ABCB11: variants seen among roughly 807,000 people sequenced by gnomAD.
ABCB11 encodes the protein bile salt export pump.
In ABCB11, 95 loss-of-function variants were observed where a neutral mutation model predicts 148.0. That is an observed-to-expected ratio of 0.64 (90% CI 0.54 to 0.76). The LOEUF is 0.76. ABCB11 is among the 30% of genes least tolerant of loss of function. The pLI, the probability that ABCB11 is intolerant of heterozygous loss-of-function variation, is 0.00. For synonymous variants in ABCB11, 591 were observed against 555.4 expected, an observed-to-expected ratio of 1.06 and a Z score of -0.90; for missense variants, 1,523 against 1,617.8, an observed-to-expected ratio of 0.94 and a Z score of 1.01.
At chr2:168,996,140 T>C (rs909438819) in intron 6 of ABCB11, among the ~76,000 whole-genome samples, 5 of 152,050 alleles carry the variant, frequency 3.3e-5, no homozygotes, top group African/African-American at 4.8e-5. Flanking sequence ...AAAATATTTT[T>C]CTTTCTTAAT....
intron 17 of ABCB11, among the ~76,000 whole-genome samples, chr2:168,968,188 GCA>G (rs1407253954): frequency 2.0e-5 from 3 of 151,602 alleles, no homozygotes; most frequent in African/African-American, 7.3e-5. Context: ...TAACCATAAA[GCA>G]TCTCCATTGT....
chr2:169,012,826 C>T (rs1313146754), intron 5 of ABCB11, among the ~76,000 whole-genome samples: 1 of 151,556 alleles, frequency 6.6e-6, no homozygotes. Flanking sequence ...GCAGCCTGTT[C>T]ATGAAATTCC....
At chr2:169,014,897 T>A (rs2389604) in intron 3 of ABCB11, among the ~76,000 whole-genome samples, 7,656 of 152,236 alleles carry the variant, frequency 0.05, 225 homozygotes, top group African/African-American at 0.066. Context: ...TTTGACCTCT[T>A]CAACTTCGGG....
rs904094271 is a variant in ABCB11 at position 168,970,034 on chromosome 2, C to T, written c.1809+11G>A. ...CATGGACCTGTAAAATGGACTAAGA[C>T]TTCCACAAACCTTACTCAGCACTTC... On this transcript the variant is annotated intron_variant, in intron 15 of 27. Coordinates refer to ENST00000650372, the MANE Select transcript of ABCB11 (RefSeq NM_003742.4). 3 of 1,440,168 alleles carry T rather than the reference C, an allele frequency of 2.1e-6. No individual in the cohort carries two copies. Among genetic ancestry groups the T allele is most frequent in the Non-Finnish European group, 2.8e-6 (3 of 1,070,908 alleles). 89.2% of individuals were successfully genotyped at this position (1,440,168 alleles called of 1,614,324 possible).
chr2:168,990,826 C>G lies in ABCB11; in HGVS notation c.883G>C (p.Gly295Arg), dbSNP rs76133714. 12 of 1,613,146 alleles carry G rather than the reference C, an allele frequency of 7.4e-6. No homozygotes were observed. The highest frequency in any genetic ancestry group is 1.7e-5 in the Admixed American group (1 of 59,954). The change falls in exon 9 of 28, where the codon GGT becomes CGT. Residue 295 changes from glycine to arginine, a missense_variant. Gly to Arg is a moderately radical substitution (Grantham distance 125). Transcript: ENST00000650372. ...CTTTCAACCTCTCTTTTCTCACCAC[C>G]AAAAGCAGCCACTGTTCTCATTGAT... is the stretch of plus-strand genomic sequence containing the variant. The part of the protein sequence containing the change: ...ISSMRTVAAF[G>R]GEKREVERYE...
Position 168,955,286 on chromosome 2 carries a change from C to T in ABCB11, c.2343+2678G>A, listed in dbSNP as rs116863213. On this transcript the variant is annotated intron_variant, in intron 19 of 27. Transcript: ENST00000650372. ...TCATTGGTATCTCTATTAAACTGTT[C>T]TCACACTGCTATTCCTGACACTGGG... 6.6e-5 allele frequency among the ~76,000 whole-genome samples: 10 copies of T among 151,680 alleles called. No individual in the cohort carries two copies. The East Asian group carries it at 2.0e-3, about 30-fold the overall frequency.
chr2:168,989,657 T>A (rs975508382), intron 9 of ABCB11, among the ~76,000 whole-genome samples: 1 of 152,098 alleles, frequency 6.6e-6, no homozygotes, highest in Non-Finnish European at 1.5e-5. Context: ...TGCTAAGAAG[T>A]GGCAAGAATG....
intron 17 of ABCB11, among the ~76,000 whole-genome samples, chr2:168,967,724 T>C (rs929004715): frequency 7.2e-5 from 11 of 151,848 alleles, no homozygotes; most frequent in Admixed American, 3.3e-4. Context: ...GTTATAAATA[T>C]AGACAAACAC....
At chr2:168,997,628 A>T (rs1694756082) in intron 5 of ABCB11, among the ~76,000 whole-genome samples, 1 of 152,048 alleles carries the variant, frequency 6.6e-6, no homozygotes, top group Admixed American at 6.6e-5. Flanking sequence ...AGAATCAGCA[A>T]GCAGCCTCTT....
chr2:168,984,943 A>G (rs1694262616), intron 10 of ABCB11, among the ~76,000 whole-genome samples: 1 of 152,164 alleles, frequency 6.6e-6, no homozygotes, highest in African/African-American at 2.4e-5. Context: ...AGACTTAATT[A>G]AACTAAAGAG....
chr2:169,029,889 C>T (rs1056824384), intron 1 of ABCB11, among the ~76,000 whole-genome samples: 4 of 146,174 alleles, frequency 2.7e-5, no homozygotes, highest in Non-Finnish European at 4.5e-5. Context: ...TACAGGCGCC[C>T]GCCACCGCGC....
At chr2:168,927,094 TG>T in intron 26 of ABCB11, 61 bp downstream of exon 26, 1 of 1,457,888 alleles carries the variant, frequency 6.9e-7, no homozygotes, top group Non-Finnish European at 9.6e-7. Flanking sequence ...CTGTACACTC[TG>T]GTCATTCTAC....
chr2:168,978,191 G>A (rs1317539057), intron 11 of ABCB11, among the ~76,000 whole-genome samples: 3 of 133,658 alleles, frequency 2.2e-5, no homozygotes, highest in Non-Finnish European at 3.1e-5. Flanking sequence ...TGTCACCCAG[G>A]CCAGAGTGCA....
At chr2:169,011,833 T>TA (rs971134537) in intron 5 of ABCB11, among the ~76,000 whole-genome samples, 5 of 152,000 alleles carry the variant, frequency 3.3e-5, no homozygotes, top group Non-Finnish European at 7.4e-5. Flanking sequence ...AGCTATTTTT[T>TA]AAAAAAATTT....
intron 1 of ABCB11, among the ~76,000 whole-genome samples, chr2:169,026,450 C>T (rs1031274543): frequency 6.6e-6 from 1 of 152,094 alleles, no homozygotes; most frequent in Non-Finnish European, 1.5e-5. Flanking sequence ...TTTTTGAAGG[C>T]CATTGTGCTG....
chr2:168,958,236 G>A, intron 18 of ABCB11, 108 bp from the exon 19 acceptor site: 1 of 1,069,976 alleles, frequency 9.3e-7, no homozygotes, highest in Non-Finnish European at 1.4e-6. Flanking sequence ...TTAGTTATGA[G>A]TGACCTCAAA....
chr2:169,016,521 C>T (rs898410078), intron 3 of ABCB11, among the ~76,000 whole-genome samples: 1 of 152,164 alleles, frequency 6.6e-6, no homozygotes, highest in African/African-American at 2.4e-5. Flanking sequence ...TCAACTTTTC[C>T]TCCTCCCTCT....
At chr2:168,972,650 A>G (rs930244078) in intron 13 of ABCB11, among the ~76,000 whole-genome samples, 4 of 152,028 alleles carry the variant, frequency 2.6e-5, no homozygotes, top group Admixed American at 1.3e-4. Context: ...CAGAGATGAG[A>G]TGTCTGTGAA....
In ABCB11 at chr2:168,923,470, C is replaced by T. The variant is rs764680000; in HGVS notation, c.*152G>A. 9 of 697,316 alleles carry T rather than the reference C, an allele frequency of 1.3e-5. No homozygotes were observed. The highest frequency in any genetic ancestry group is 5.8e-5 in the Admixed American group (2 of 34,354). 43.2% of individuals were successfully genotyped at this position (697,316 alleles called of 1,614,324 possible). Reference sequence around the variant, plus strand: ...GGCCATTAGAAATTAGCTTGGATTCCGATGTAGGAAAATGACTGTAAAAGT... The same window carrying T: ...GGCCATTAGAAATTAGCTTGGATTCTGATGTAGGAAAATGACTGTAAAAGT... On this transcript the variant is annotated 3_prime_UTR_variant, in exon 28 of 28. Coordinates refer to ENST00000650372, the MANE Select transcript of ABCB11 (RefSeq NM_003742.4).
Sources: allele counts gnomAD v4.1 joint callset (sites outside exome capture counted in the v4.1 genomes callset), GRCh38; gene constraint gnomAD v4.1.1; transcripts MANE v1.5; gene names NCBI Gene and HGNC (gene_info 2026-07-23, HGNC 2026-07-21).